MACF1: variants seen among roughly 807,000 people sequenced by gnomAD.
MACF1 encodes the protein microtubule actin crosslinking factor 1.
MACF1 carries 193 observed loss-of-function variants against 854.8 expected under a neutral mutation model. The ratio of observed to expected loss-of-function variants is 0.23; its 90% CI spans 0.20 to 0.25. The LOEUF is 0.25. Among genes scored for constraint, MACF1 ranks in the 10% least tolerant of loss-of-function variants. The pLI is 1.00. For missense variants in MACF1, 7,722 were observed against 8,929.1 expected, an observed-to-expected ratio of 0.86 and a Z score of 5.45; for synonymous variants, 3,185 against 3,226.7, an observed-to-expected ratio of 0.99 and a Z score of 0.44.
In MACF1 at chr1:39,235,059, T is replaced by C. The variant is rs563093411; in HGVS notation, c.171+3816T>C. On this transcript the variant is annotated intron_variant, in intron 2 of 100. Coordinates refer to ENST00000564288, the MANE Select transcript of MACF1 (RefSeq NM_001394062.1). The stretch of plus-strand genomic sequence containing the variant: ...GCAGAGGGGCTCCTCACATCCCAGA[T>C]GATGGGCGGCCAGGCAGAGACGCTC... Among the ~76,000 whole-genome samples, 40 of 146,362 alleles carry C rather than the reference T, an allele frequency of 2.7e-4. No individual in the cohort carries two copies. The South Asian group carries it at 7.1e-3, about 26-fold the overall frequency.
At chr1:39,250,127 C>T in intron 3 of MACF1, 24 bp downstream of exon 3, 1 of 1,504,316 alleles carries the variant, frequency 6.6e-7, no homozygotes, top group Non-Finnish European at 9.3e-7. Context: ...AATGAATGGC[C>T]TCACAATTGT....
intron 2 of MACF1, among the ~76,000 whole-genome samples, chr1:39,187,895 T>TCTGTCTCTCTCTCTCTCTCTCTCTCTC (rs1553160207): frequency 1.5e-5 from 1 of 68,464 alleles, no homozygotes; most frequent in Non-Finnish European, 2.8e-5. Context: ...TCTCTCTCTC[T>TCTGTCTCTCTCTCTCTCTCTCTCTCTC]CTCTCTCCTC....
chr1:39,098,063 G>T (rs1446823019), intron 2 of MACF1, among the ~76,000 whole-genome samples: 3 of 152,174 alleles, frequency 2.0e-5, no homozygotes, highest in African/African-American at 7.2e-5. Flanking sequence ...ATCCACACAG[G>T]GTAAGACCCT....
intron 2 of MACF1, among the ~76,000 whole-genome samples, chr1:39,087,703 A>G (rs1489323901): frequency 6.6e-6 from 1 of 152,202 alleles, no homozygotes; most frequent in African/African-American, 2.4e-5. Flanking sequence ...CGAGGCTCAG[A>G]GGGTTTAGGG....
chr1:39,106,486 G>T (rs887930583), intron 2 of MACF1, among the ~76,000 whole-genome samples: 1 of 152,184 alleles, frequency 6.6e-6, no homozygotes, highest in Non-Finnish European at 1.5e-5. Context: ...ACTGCTGTAG[G>T]TGCCCCTGAA....
chr1:39,452,549 A>C, intron 86 of MACF1, 135 bp from the exon 87 acceptor site: 1 of 1,228,322 alleles, frequency 8.1e-7, no homozygotes, highest in East Asian at 2.3e-5. Context: ...TCTACAAATG[A>C]AAGATAACCT....
At chr1:39,451,518 A>C (rs1178655196) in intron 85 of MACF1, among the ~76,000 whole-genome samples, 6 of 152,056 alleles carry the variant, frequency 3.9e-5, no homozygotes, top group Non-Finnish European at 5.9e-5. Flanking sequence ...TAAGATAGCC[A>C]TTTCCACTGA....
At chr1:39,174,180 G>C (rs115116986) in intron 2 of MACF1, among the ~76,000 whole-genome samples, 2,726 of 152,298 alleles carry the variant, frequency 0.018, 42 homozygotes, top group Non-Finnish European at 0.027. Flanking sequence ...AGGACCTGCT[G>C]TACTGATCTG....
intron 1 of MACF1, among the ~76,000 whole-genome samples, chr1:39,206,202 C>T (rs1300779796): frequency 6.6e-6 from 1 of 152,140 alleles, no homozygotes; most frequent in African/African-American, 2.4e-5. Context: ...TATTCAGATC[C>T]TAGTGTGCAT....
chr1:39,090,188 C>T (rs959215193), intron 2 of MACF1, among the ~76,000 whole-genome samples: 3 of 152,232 alleles, frequency 2.0e-5, no homozygotes, highest in African/African-American at 7.2e-5. Flanking sequence ...CCTCAGCTGC[C>T]AAACTTCCTT....
At chr1:39,212,100 A>T (rs1158050851) in intron 1 of MACF1, among the ~76,000 whole-genome samples, 1 of 151,940 alleles carries the variant, frequency 6.6e-6, no homozygotes, top group African/African-American at 2.4e-5. Flanking sequence ...ACTTCTGACC[A>T]CATGTGGAAA....
In MACF1 at chr1:39,143,960, T is replaced by C. The variant is rs1571095577; in HGVS notation, c.220+59522T>C. 2.0e-5 allele frequency among the ~76,000 whole-genome samples: 3 copies of C among 151,882 alleles called. No individual in the cohort carries two copies. The East Asian group carries it at 5.8e-4, about 29-fold the overall frequency. ...CAGCCACCATGCCTAGCTAATTTTT[T>C]TTCATTTTTAGTAGAGATGGGCTTT... On this transcript the variant is annotated intron_variant, in intron 2 of 93. Coordinates refer to the MACF1 transcript ENST00000361689.
rs1218837347 is a variant in MACF1 at position 39,332,123 on chromosome 1, C to A, written c.5535C>A (p.Leu1845=). 8 of 1,613,976 alleles carry A rather than the reference C, an allele frequency of 5.0e-6. No individual in the cohort carries two copies. The highest frequency in any genetic ancestry group is 1.3e-5 in the African/African-American group (1 of 74,894). ...AKIALVILES[L]WSFMGLLWPE... is the part of the protein sequence containing the mutation. ...TCGCCCTTGTGATTCTGGAGTCCCT[C>A]TGGTCATTCATGGGGTTGCTGTGGC... The change falls in exon 37 of 101, where the codon CTC becomes CTA. Residue 1845 remains leucine, a synonymous_variant. Transcript: ENST00000564288.
In MACF1 at chr1:39,422,807, C is replaced by T. The variant is rs139439033; in HGVS notation, c.16056C>T (p.Leu5352=). The T allele has an allele frequency of 1.9e-6, 3 of 1,614,164 alleles. No individual in the cohort carries two copies. The highest frequency in any genetic ancestry group is 2.5e-6 in the Non-Finnish European group (3 of 1,180,022). Residue 5352 remains leucine (L), a synonymous_variant, in exon 60 of 101, where the codon CTC becomes CTT. Coordinates refer to ENST00000564288, the MANE Select transcript of MACF1 (RefSeq NM_001394062.1). The part of the protein sequence containing the change: ...GKFQDALEPL[L]SWLADTEELI... ...TTCAAGATGCCTTGGAGCCATTGCT[C>T]AGCTGGTTGGCAGATACCGAGGAGC...
At chr1:39,358,575 C>A in intron 45 of MACF1, 122 bp from the exon 46 acceptor site, 1 of 868,910 alleles carries the variant, frequency 1.2e-6, no homozygotes, top group Non-Finnish European at 1.9e-6. Context: ...TGGGTTCTGG[C>A]AATACCCTTA....
chr1:39,410,527 C>G, intron 58 of MACF1: 1 of 1,613,968 alleles, frequency 6.2e-7, no homozygotes. Flanking sequence ...ATCTAGAGCA[C>G]CAGAAGGTAA....
Position 39,332,833 on chromosome 1 carries a change from T to C in MACF1, c.6245T>C (p.Phe2082Ser), listed in dbSNP as rs746571275. 1.1e-4 allele frequency: 170 copies of C among 1,613,936 alleles called. No individual in the cohort carries two copies. The highest frequency in any genetic ancestry group is 1.4e-4 in the Non-Finnish European group (166 of 1,180,016). ...SSVENPEQDL[F>S]VEQKERNPNI... The stretch of plus-strand genomic sequence containing the variant: ...GTAGAGAACCCTGAACAGGATCTGT[T>C]TGTAGAACAAAAAGAGAGAAATCCA... The change falls in exon 37 of 101, where the codon TTT becomes TCT. Residue 2082 changes from phenylalanine (F) to serine (S), a missense_variant. Around this residue, in one of 15 missense-constraint regions of MACF1, gnomAD observed 1,531 missense variants for 1,601.6 expected, o/e 0.96. Coordinates refer to ENST00000564288, the MANE Select transcript of MACF1 (RefSeq NM_001394062.1).
At chr1:39,130,763 G>A (rs1350772547) in intron 2 of MACF1, among the ~76,000 whole-genome samples, 1 of 152,064 alleles carries the variant, frequency 6.6e-6, no homozygotes, top group Non-Finnish European at 1.5e-5. Context: ...CTTTTGCTGG[G>A]TAAATCAACG....
At chr1:39,355,427 T>C (rs983458337) in intron 44 of MACF1, among the ~76,000 whole-genome samples, 1 of 151,844 alleles carries the variant, frequency 6.6e-6, no homozygotes, top group Admixed American at 6.6e-5. Context: ...GAGCAAGATA[T>C]ATTTGTCATT....
Sources: gnomAD v4.1 joint callset for allele counts (sites outside exome capture counted in the v4.1 genomes callset) on GRCh38, gnomAD v4.1.1 for gene constraint, gnomAD v4.1.1 regional missense constraint, MANE v1.5 for transcripts, NCBI Gene and HGNC (gene_info 2026-07-23, HGNC 2026-07-21) for gene names.